SLC24A4: variants seen among roughly 807,000 people sequenced by gnomAD.
SLC24A4 encodes the protein sodium/potassium/calcium exchanger 4.
A neutral mutation model predicts 79.0 loss-of-function variants in SLC24A4; 53 were observed. That is an observed-to-expected ratio of 0.67 (90% CI 0.54 to 0.84). The LOEUF is 0.84. Ranked by LOEUF, SLC24A4 falls within the 40% of genes least tolerant of loss-of-function variation. SLC24A4 has a pLI of 0.00. For missense variants in SLC24A4, 731 were observed against 822.0 expected (o/e 0.89, Z 1.35); for synonymous variants, 323 against 323.8 (o/e 1.00, Z 0.03).
chr14:92,408,413 G>A (rs897215684), intron 2 of SLC24A4: 49 of 985,264 alleles, frequency 5.0e-5, no homozygotes, highest in Non-Finnish European at 5.8e-5. Context: ...TGCAGCTAAA[G>A]CTCTCCTATC....
chr14:92,348,691 C>T (rs74327190), intron 2 of SLC24A4, among the ~76,000 whole-genome samples: 2,868 of 152,254 alleles, frequency 0.019, 102 homozygotes, highest in African/African-American at 0.066. Context: ...GACAAGATTG[C>T]CACTTGAGAA....
intron 12 of SLC24A4, among the ~76,000 whole-genome samples, chr14:92,476,660 A>G (rs1894784149): frequency 6.6e-6 from 1 of 152,138 alleles, no homozygotes; most frequent in South Asian, 2.1e-4. Flanking sequence ...TAATTCTAGA[A>G]TATTTTTATT....
intron 2 of SLC24A4, among the ~76,000 whole-genome samples, chr14:92,397,300 TG>T (rs1889831092): frequency 6.6e-6 from 1 of 152,200 alleles, no homozygotes; most frequent in African/African-American, 2.4e-5. Flanking sequence ...TGCTCCGGCT[TG>T]GCATCTGGCT....
chr14:92,373,211 C>CATATATAT (rs3032615), intron 2 of SLC24A4, among the ~76,000 whole-genome samples: 19 of 149,420 alleles, frequency 1.3e-4, no homozygotes, highest in Admixed American at 8.6e-4. Flanking sequence ...CACACACACA[C>CATATATAT]ATATATATAT....
intron 2 of SLC24A4, among the ~76,000 whole-genome samples, chr14:92,335,465 C>A (rs941075988): frequency 4.6e-5 from 7 of 152,138 alleles, no homozygotes; most frequent in African/African-American, 1.7e-4. Context: ...AGCAATTCTC[C>A]TCCCTCAGCC....
chr14:92,498,062 C>T lies in SLC24A4; in HGVS notation c.*4434C>T, dbSNP rs1346165972. The T allele has an allele frequency of 1.3e-5, 2 of 152,148 alleles. No homozygotes were observed. Among genetic ancestry groups the T allele is most frequent in the African/African-American group, 4.8e-5 (2 of 41,394 alleles). 9.4% of individuals were successfully genotyped at this position (152,148 alleles called of 1,614,324 possible). A position where few individuals can be genotyped will look rare whatever the true frequency, so the allele number is the denominator to read the frequency against. ...TGGTCCTCCTTTCAGCACACCGTGCCCATAGAAACTTCTAGAAATTTCTGA... is the reference window on the plus strand; with the variant it reads ...TGGTCCTCCTTTCAGCACACCGTGCTCATAGAAACTTCTAGAAATTTCTGA... On this transcript the variant is annotated 3_prime_UTR_variant, in exon 17 of 17. Transcript: ENST00000532405.
intron 2 of SLC24A4, among the ~76,000 whole-genome samples, chr14:92,401,033 G>A (rs1302813159): frequency 9.9e-5 from 15 of 152,096 alleles, no homozygotes; most frequent in Non-Finnish European, 1.9e-4. Context: ...CATGGAGAGG[G>A]GGGAATACAC....
Position 92,426,700 on chromosome 14 carries a change from T to C in SLC24A4, c.242-7212T>C, listed in dbSNP as rs569716728. On this transcript the variant is annotated intron_variant, in intron 2 of 16. Transcript: ENST00000532405. ...GGTAGAAAATCCTAGATGTTCCAACTGTTGCCCATGAAAGGCATAAAATTC... is the reference window on the plus strand; with the variant it reads ...GGTAGAAAATCCTAGATGTTCCAACCGTTGCCCATGAAAGGCATAAAATTC... 6.6e-5 allele frequency among the ~76,000 whole-genome samples: 10 copies of C among 152,258 alleles called. No individual in the cohort carries two copies. In the South Asian group the frequency reaches 1.9e-3, roughly 28 times the overall value.
At chr14:92,397,997 C>A (rs189212889) in intron 2 of SLC24A4, among the ~76,000 whole-genome samples, 1 of 152,316 alleles carries the variant, frequency 6.6e-6, no homozygotes, top group African/African-American at 2.4e-5. Flanking sequence ...GCCACGCAAC[C>A]AATAACGAGA....
At chr14:92,424,495 G>A (rs1349092527) in intron 2 of SLC24A4, among the ~76,000 whole-genome samples, 2 of 152,134 alleles carry the variant, frequency 1.3e-5, no homozygotes, top group Admixed American at 6.5e-5. Context: ...AAGGTGAAAG[G>A]GAGCCAACCT....
intron 2 of SLC24A4, among the ~76,000 whole-genome samples, chr14:92,427,176 A>G (rs1373557659): frequency 6.6e-6 from 1 of 152,262 alleles, no homozygotes; most frequent in Non-Finnish European, 1.5e-5. Context: ...AGGCAGGGCC[A>G]GTGCACCATC....
At chr14:92,324,545 T>G (rs926319656) in intron 1 of SLC24A4, among the ~76,000 whole-genome samples, 1 of 152,176 alleles carries the variant, frequency 6.6e-6, no homozygotes. Flanking sequence ...CCTCGACCCA[T>G]GCCCCCTCCT....
chr14:92,434,152 C>T (rs1347210069), intron 3 of SLC24A4, among the ~76,000 whole-genome samples, 164 bp downstream of exon 3: 11 of 152,286 alleles, frequency 7.2e-5, no homozygotes, highest in African/African-American at 2.4e-4. Flanking sequence ...ATGTCTTAAA[C>T]GTGTTAGGAG....
At chr14:92,487,166 A>G (rs570033903) in intron 14 of SLC24A4, among the ~76,000 whole-genome samples, 1 of 152,274 alleles carries the variant, frequency 6.6e-6, no homozygotes, top group Non-Finnish European at 1.5e-5. Context: ...CAACTCCCCC[A>G]TTCTTCTTCT....
At chr14:92,336,457 G>T (rs1411754430) in intron 2 of SLC24A4, among the ~76,000 whole-genome samples, 1 of 152,240 alleles carries the variant, frequency 6.6e-6, no homozygotes, top group Non-Finnish European at 1.5e-5. Flanking sequence ...CTGCCCAGGG[G>T]TCTTCCGGTT....
At chr14:92,430,937 C>T (rs1027455786) in intron 2 of SLC24A4, among the ~76,000 whole-genome samples, 9 of 152,232 alleles carry the variant, frequency 5.9e-5, no homozygotes, top group Admixed American at 2.6e-4. Flanking sequence ...GCAGGCTCAG[C>T]CCCCTCAGAC....
At chr14:92,474,807 A>G (rs1322395697) in intron 12 of SLC24A4, among the ~76,000 whole-genome samples, 1 of 78,422 alleles carries the variant, frequency 1.3e-5, no homozygotes, top group Non-Finnish European at 2.6e-5. Flanking sequence ...ATATATACAT[A>G]TATACATATA....
intron 2 of SLC24A4, among the ~76,000 whole-genome samples, chr14:92,395,858 C>T (rs1889744771): frequency 6.6e-6 from 1 of 152,164 alleles, no homozygotes; most frequent in Admixed American, 6.5e-5. Flanking sequence ...CAGAGTCTTG[C>T]TTTGTCGCCC....
chr14:92,323,126 G>A, upstream of SLC24A4: 1 of 152,356 alleles, frequency 6.6e-6, no homozygotes, highest in Non-Finnish European at 1.5e-5. This position sits in a 1 kb window ranked among gnomAD's most constrained non-coding sequence, Gnocchi z 4.9. Flanking sequence ...GGAGGAGTAG[G>A]GAGGCGAGAG....
Sources: allele counts gnomAD v4.1 joint callset (sites outside exome capture counted in the v4.1 genomes callset), GRCh38; gene constraint gnomAD v4.1.1; non-coding constraint Gnocchi (gnomAD v3.1); transcripts MANE v1.5; gene names NCBI Gene and HGNC (gene_info 2026-07-23, HGNC 2026-07-21).